Variants in RBPMS2 observed in about 807,000 individuals in gnomAD.
The protein encoded by RBPMS2 is RNA-binding protein with multiple splicing 2.
Under a neutral mutation model 25.7 loss-of-function variants are expected in RBPMS2, and 14 were observed. The observed-to-expected ratio is 0.55, with a 90% CI of 0.36 to 0.85. The LOEUF (loss-of-function observed/expected upper bound fraction) is 0.85. Among genes scored for constraint, RBPMS2 ranks in the 40% least tolerant of loss-of-function variants. RBPMS2 has a pLI of 0.01. For missense variants in RBPMS2, 252 were observed against 283.4 expected (o/e 0.89, Z 0.80); for synonymous variants, 127 against 115.6 (o/e 1.10, Z -0.63).
intron 1 of RBPMS2, among the ~76,000 whole-genome samples, chr15:64,763,815 TG>T (rs1316397937): frequency 2.1e-5 from 1 of 48,526 alleles, no homozygotes; most frequent in Non-Finnish European, 4.7e-5. Flanking sequence ...TGTGTAGGGG[TG>T]GGGGGAATAG....
intron 1 of RBPMS2, among the ~76,000 whole-genome samples, chr15:64,765,540 C>T (rs1340864144): frequency 6.6e-6 from 1 of 151,510 alleles, no homozygotes; most frequent in East Asian, 2.0e-4. Flanking sequence ...AATCATGCCA[C>T]TACACTCCAG....
At chr15:64,766,373 T>C (rs558731418) in intron 1 of RBPMS2, among the ~76,000 whole-genome samples, 1 of 152,280 alleles carries the variant, frequency 6.6e-6, no homozygotes, top group East Asian at 1.9e-4. Flanking sequence ...CTGTCTAGTG[T>C]TGGCACGTAT....
At chr15:64,760,729 G>A (rs746455703) in intron 1 of RBPMS2, among the ~76,000 whole-genome samples, 1 of 151,754 alleles carries the variant, frequency 6.6e-6, no homozygotes, top group Non-Finnish European at 1.5e-5. Flanking sequence ...TTGAACCCAG[G>A]AGACAGAGGT....
rs1567064881 is a variant in RBPMS2 at position 64,750,335 on chromosome 15, GA to G, written c.204+7del. ...CTGGGAGGAAGAAAACCCTAGGAGA[GA>G]AATTACCTGTCTTGCAGTGAGCTTG... On this transcript the variant is annotated splice_region_variant and intron_variant, in intron 3 of 7. Transcript: ENST00000300069. The G allele has an allele frequency of 2.5e-6, 4 of 1,612,870 alleles. No individual in the cohort carries two copies. The highest frequency in any genetic ancestry group is 2.5e-6 in the Non-Finnish European group (3 of 1,178,888).
intron 1 of RBPMS2, among the ~76,000 whole-genome samples, chr15:64,757,044 C>A (rs1176880864): frequency 6.9e-6 from 1 of 145,632 alleles, no homozygotes. Flanking sequence ...GCTATCATAG[C>A]TCACTGCAGC....
At chr15:64,758,838 C>A (rs905796265) in intron 1 of RBPMS2, among the ~76,000 whole-genome samples, 1 of 152,332 alleles carries the variant, frequency 6.6e-6, no homozygotes, top group African/African-American at 2.4e-5. Context: ...ATAAGCCTGA[C>A]TCCTTTGGGG....
chr15:64,746,521 AT>A, intron 6 of RBPMS2, among the ~76,000 whole-genome samples: 1 of 152,324 alleles, frequency 6.6e-6, no homozygotes. Flanking sequence ...AACGTGCCCA[AT>A]GTCCCACAGC....
intron 4 of RBPMS2, 118 bp from the exon 5 acceptor site, chr15:64,749,268 G>T: frequency 2.2e-6 from 3 of 1,386,100 alleles, no homozygotes; most frequent in Non-Finnish European, 3.1e-6. Context: ...CCACACGGTG[G>T]CTGAGGCAGA....
chr15:64,768,141 G>T lies in RBPMS2; in HGVS notation c.87+7092C>A, dbSNP rs1236947989. On this transcript the variant is annotated intron_variant, in intron 1 of 7. Transcript: ENST00000300069. ...TTTAGTTAAAATGCCCAAAGCAATG[G>T]GTAGTGGAGGAGTGTGTGAAAGTAG... 3.9e-5 allele frequency among the ~76,000 whole-genome samples: 6 copies of T among 152,344 alleles called. No individual in the cohort carries two copies. The East Asian group carries it at 1.2e-3, about 29-fold the overall frequency.
intron 1 of RBPMS2, among the ~76,000 whole-genome samples, chr15:64,753,373 C>T (rs938775026): frequency 3.9e-5 from 6 of 152,198 alleles, no homozygotes; most frequent in Admixed American, 3.9e-4. Flanking sequence ...GGCCCGCTGA[C>T]CCCAGACAAC....
chr15:64,749,430 C>T lies in RBPMS2; in HGVS notation c.267+1G>A. 2 of 1,612,986 alleles carry T rather than the reference C, an allele frequency of 1.2e-6. No homozygotes were observed. The highest frequency in any genetic ancestry group is 1.1e-5 in the South Asian group (1 of 91,020). On this transcript the variant is annotated splice_donor_variant, in intron 4 of 7. Coordinates refer to ENST00000300069, the MANE Select transcript of RBPMS2 (RefSeq NM_194272.3). LOFTEE classifies it high-confidence loss of function. ...AGAAGACCTGTTCTCCACCTACTCACGTTCAGCGCATTCTTGGCCGCTTCT... is the reference window on the plus strand; with the variant it reads ...AGAAGACCTGTTCTCCACCTACTCATGTTCAGCGCATTCTTGGCCGCTTCT...
At position 64,740,947 on chromosome 15, in the gene RBPMS2, C is replaced by T. The variant is rs1406212372; in HGVS notation, c.*61G>A. 3 of 476,368 alleles carry T rather than the reference C, an allele frequency of 6.3e-6. No individual in the cohort carries two copies. Among genetic ancestry groups the T allele is most frequent in the Admixed American group, 3.7e-5 (1 of 27,274 alleles). 29.5% of individuals were successfully genotyped at this position (476,368 alleles called of 1,614,324 possible). On this transcript the variant is annotated 3_prime_UTR_variant, in exon 8 of 8. Transcript: ENST00000300069. ...GCCCGGGGGCAGTGGGAACTCGGGG[C>T]GCCTGTCCCGGCACCACCACAGATT...
At chr15:64,744,639 G>T (rs905480028) in intron 6 of RBPMS2, among the ~76,000 whole-genome samples, 4 of 150,796 alleles carry the variant, frequency 2.7e-5, no homozygotes, top group African/African-American at 9.7e-5. Context: ...TTGTTGTATA[G>T]CTATCAGTAA....
Position 64,751,862 on chromosome 15 carries a change from T to A in RBPMS2, c.88-224A>T, listed in dbSNP as rs1327835723. 6.6e-5 allele frequency among the ~76,000 whole-genome samples: 10 copies of A among 152,102 alleles called. No individual in the cohort carries two copies. The East Asian group carries it at 1.7e-3, about 26-fold the overall frequency. ...TACATCCCAGAGGCATCGTGCTGCGTCTGCCGGATGCCTCTGCACACAGAC... is the reference window on the plus strand; with the variant it reads ...TACATCCCAGAGGCATCGTGCTGCGACTGCCGGATGCCTCTGCACACAGAC... On this transcript the variant is annotated intron_variant, in intron 1 of 7. Transcript: ENST00000300069.
intron 1 of RBPMS2, among the ~76,000 whole-genome samples, chr15:64,774,379 T>C (rs1807663477): frequency 1.3e-5 from 2 of 152,150 alleles, no homozygotes. Flanking sequence ...CCCTATTCAC[T>C]GATATCTTTG....
At chr15:64,751,970 C>CT (rs1194781208) in intron 1 of RBPMS2, among the ~76,000 whole-genome samples, 441 of 136,964 alleles carry the variant, frequency 3.2e-3, no homozygotes, top group African/African-American at 6.2e-3. Flanking sequence ...TTTTTTTTTT[C>CT]TTTTTTTTTT....
At chr15:64,742,674 G>A (rs1050524010) in intron 6 of RBPMS2, among the ~76,000 whole-genome samples, 1 of 152,204 alleles carries the variant, frequency 6.6e-6, no homozygotes, top group Non-Finnish European at 1.5e-5. Context: ...AGTTGCGGTT[G>A]GGGGATGAGC....
At chr15:64,763,513 A>ATCCC (rs1413027055) in intron 1 of RBPMS2, among the ~76,000 whole-genome samples, 1 of 152,158 alleles carries the variant, frequency 6.6e-6, no homozygotes, top group Non-Finnish European at 1.5e-5. Flanking sequence ...TGCCCCTGCT[A>ATCCC]TCCCTCTTGC....
chr15:64,762,286 C>A, intron 1 of RBPMS2: 1 of 474,018 alleles, frequency 2.1e-6, no homozygotes. Flanking sequence ...ACGAGACTGA[C>A]TGACAGACTG....
Sources: allele counts gnomAD v4.1 joint callset (sites outside exome capture counted in the v4.1 genomes callset), GRCh38; gene constraint gnomAD v4.1.1; transcripts MANE v1.5; gene names NCBI Gene and HGNC (gene_info 2026-07-23, HGNC 2026-07-21).